STK32C: variants seen among roughly 807,000 people sequenced by gnomAD.
STK32C encodes the protein serine/threonine-protein kinase 32C.
A neutral mutation model predicts 56.5 loss-of-function variants in STK32C; 31 were observed. The observed-to-expected ratio is 0.55, with a 90% CI of 0.41 to 0.74. The LOEUF is 0.74. STK32C is among the 30% of genes least tolerant of loss of function. STK32C has a pLI of 0.00. For missense variants in STK32C, 544 were observed against 676.9 expected, an observed-to-expected ratio of 0.80 and a Z score of 2.18; for synonymous variants, 309 against 289.4, an observed-to-expected ratio of 1.07 and a Z score of -0.69.
chr10:132,283,411 G>A (rs1255317518), intron 1 of STK32C, among the ~76,000 whole-genome samples: 1 of 152,214 alleles, frequency 6.6e-6, no homozygotes, highest in Non-Finnish European at 1.5e-5. Context: ...CGGCAGCCAC[G>A]CCCCCCTCAC....
chr10:132,322,776 T>C (rs565207806), downstream of STK32C, among the ~76,000 whole-genome samples: 58 of 152,280 alleles, frequency 3.8e-4, 2 homozygotes, highest in South Asian at 0.012. Context: ...TCATCTGCAG[T>C]GGCCACTCTG....
intron 2 of STK32C, among the ~76,000 whole-genome samples, chr10:132,236,520 A>G (rs753386013): frequency 6.6e-6 from 1 of 152,166 alleles, no homozygotes; most frequent in Non-Finnish European, 1.5e-5. Flanking sequence ...CTTCCTTCTC[A>G]CTCGCGGGCT....
At chr10:132,290,199 C>T (rs1036048215) in intron 1 of STK32C, among the ~76,000 whole-genome samples, 5 of 152,186 alleles carry the variant, frequency 3.3e-5, no homozygotes, top group African/African-American at 1.2e-4. Context: ...CATGCCTCCC[C>T]GCTGGACACC....
At chr10:132,306,186 A>C (rs989452685) in intron 1 of STK32C, among the ~76,000 whole-genome samples, 1 of 152,222 alleles carries the variant, frequency 6.6e-6, no homozygotes, top group African/African-American at 2.4e-5. Flanking sequence ...CACGGTGCCG[A>C]GACCCAGAAG....
At chr10:132,273,643 AGGAGTTAACAAATGAGT>A (rs2064903064) in intron 1 of STK32C, among the ~76,000 whole-genome samples, 1 of 152,104 alleles carries the variant, frequency 6.6e-6, no homozygotes, top group Admixed American at 6.5e-5. Flanking sequence ...GAATGAGTGA[AGGAGTTAACAAATGAGT>A]GGAGTTAGCA....
Position 132,307,526 on chromosome 10 carries a change from C to A in STK32C, c.262+46G>T. Reference sequence around the variant, plus strand: ...AAAAGCCGCCCAGCCGCGCCCGCCCCTGCAATAGCGCGCGGCCCCCACGTC... The same window carrying A: ...AAAAGCCGCCCAGCCGCGCCCGCCCATGCAATAGCGCGCGGCCCCCACGTC... On this transcript the variant is annotated intron_variant, in intron 1 of 11. Coordinates refer to ENST00000298630, the MANE Select transcript of STK32C (RefSeq NM_173575.4). The surrounding 1 kb of genome is among the most constrained non-coding windows in gnomAD (Gnocchi z 4.4). The A allele has an allele frequency of 6.6e-7, 1 of 1,519,828 alleles. No individual in the cohort carries two copies. The highest frequency in any genetic ancestry group is 8.8e-7 in the Non-Finnish European group (1 of 1,133,870). The allele number at this position is 1,519,828 out of a possible 1,614,324, so 94.1% of individuals were successfully genotyped here.
At chr10:132,280,461 T>TCACG (rs1448757216) in intron 1 of STK32C, among the ~76,000 whole-genome samples, 1 of 122,850 alleles carries the variant, frequency 8.1e-6, no homozygotes, top group Admixed American at 8.2e-5. Context: ...CACCCCATGA[T>TCACG]CACGCCCCTG....
At position 132,219,176 on chromosome 10, in the gene STK32C, C is replaced by T. The variant is rs2062557862; in HGVS notation, c.1251+3465G>A. Among the ~76,000 whole-genome samples the T allele has an allele frequency of 4.6e-5, 7 of 152,320 alleles. No homozygotes were observed. The South Asian group carries it at 1.5e-3, about 32-fold the overall frequency. ...ATATTAAAAACCATGGAATTATATG[C>T]TTTACATGGATGCACTGTATATTGC... On this transcript the variant is annotated intron_variant, in intron 10 of 11. Coordinates refer to ENST00000298630, the MANE Select transcript of STK32C (RefSeq NM_173575.4).
intron 1 of STK32C, among the ~76,000 whole-genome samples, chr10:132,260,587 AT>A (rs1247171578): frequency 1.3e-5 from 2 of 152,166 alleles, no homozygotes; most frequent in Non-Finnish European, 2.9e-5. Context: ...GGACTGTGTC[AT>A]TCAAGGGGAC....
intron 1 of STK32C, among the ~76,000 whole-genome samples, chr10:132,327,879 G>C (rs2138490624): frequency 6.6e-6 from 1 of 152,300 alleles, no homozygotes; most frequent in South Asian, 2.1e-4. Flanking sequence ...CAGACTTTGG[G>C]CCTGTGGGGG....
intron 1 of STK32C, among the ~76,000 whole-genome samples, chr10:132,267,130 C>T (rs920781539): frequency 1.2e-4 from 18 of 152,344 alleles, no homozygotes; most frequent in African/African-American, 3.8e-4. Context: ...CGCATGGTTT[C>T]TCTGACCTGT....
At chr10:132,262,200 T>G (rs923546379) in intron 1 of STK32C, among the ~76,000 whole-genome samples, 1 of 152,068 alleles carries the variant, frequency 6.6e-6, no homozygotes, top group African/African-American at 2.4e-5. Context: ...GGGAAAGGAC[T>G]CCCCATTCAA....
rs974731372 is a variant in STK32C at position 132,224,757 on chromosome 10, G to C, written c.877-234C>G. ...GCCCATCTGGCTGGGATCCCAGGGG[G>C]CCTGGGTCCAGGTAGATCAGCCCCA... On this transcript the variant is annotated intron_variant, in intron 7 of 11. Coordinates refer to ENST00000298630, the MANE Select transcript of STK32C (RefSeq NM_173575.4). Among the ~76,000 whole-genome samples, 40 of 152,266 alleles carry C rather than the reference G, an allele frequency of 2.6e-4. No homozygotes were observed. The Middle Eastern group carries it at 0.01, about 39-fold the overall frequency.
At chr10:132,252,661 G>A (rs1221006657) in intron 1 of STK32C, among the ~76,000 whole-genome samples, 2 of 152,008 alleles carry the variant, frequency 1.3e-5, no homozygotes, top group East Asian at 3.9e-4. Context: ...GGAGCGGCTC[G>A]GAGCTCCGGG....
chr10:132,243,559 C>T lies in STK32C; in HGVS notation c.318+2341G>A, dbSNP rs572535655. 1.8e-3 allele frequency among the ~76,000 whole-genome samples: 280 copies of T among 152,278 alleles called. 3 individuals are homozygous for T. The highest frequency in any genetic ancestry group is 6.5e-3 in the African/African-American group (270 of 41,542). On this transcript the variant is annotated intron_variant, in intron 2 of 11. Transcript: ENST00000298630. Reference sequence around the variant, plus strand: ...ATTAACTACCGCCACCACTTTCAGCCGGACAGAACCGGGGGCACCATGTAC... The same window carrying T: ...ATTAACTACCGCCACCACTTTCAGCTGGACAGAACCGGGGGCACCATGTAC...
At chr10:132,294,822 C>T (rs1341252756) in intron 1 of STK32C, among the ~76,000 whole-genome samples, 4 of 152,214 alleles carry the variant, frequency 2.6e-5, no homozygotes, top group Non-Finnish European at 5.9e-5. Flanking sequence ...ACTTCCGTCC[C>T]CTTCCCCGGA....
intron 1 of STK32C, among the ~76,000 whole-genome samples, chr10:132,294,409 T>G (rs1238554680): frequency 6.6e-6 from 1 of 152,146 alleles, no homozygotes; most frequent in Non-Finnish European, 1.5e-5. Flanking sequence ...CAGCGGGTTT[T>G]GGGAGAACTG....
At chr10:132,302,029 C>A (rs961544480) in intron 1 of STK32C, among the ~76,000 whole-genome samples, 8 of 152,182 alleles carry the variant, frequency 5.3e-5, no homozygotes, top group Admixed American at 2.0e-4. Context: ...TGGCCCCACC[C>A]CAGGCCGGCT....
chr10:132,232,254 G>C (rs1305886767), intron 2 of STK32C, among the ~76,000 whole-genome samples: 3 of 152,212 alleles, frequency 2.0e-5, no homozygotes, highest in Non-Finnish European at 4.4e-5. Flanking sequence ...TGGACTGTCA[G>C]GCACGTTGAA....
Sources: gnomAD v4.1 joint callset for allele counts (sites outside exome capture counted in the v4.1 genomes callset) on GRCh38, gnomAD v4.1.1 for gene constraint, Gnocchi (gnomAD v3.1) non-coding constraint, MANE v1.5 for transcripts, NCBI Gene and HGNC (gene_info 2026-07-23, HGNC 2026-07-21) for gene names.